GPHN: variants seen among roughly 807,000 people sequenced by gnomAD.
The protein encoded by GPHN is gephyrin.
A neutral mutation model predicts 95.5 loss-of-function variants in GPHN; 17 were observed. The observed-to-expected ratio is 0.18, with a 90% confidence interval of 0.12 to 0.27. The LOEUF is 0.27. Among genes scored for constraint, GPHN ranks in the 10% least tolerant of loss-of-function variants. The probability of loss-of-function intolerance (pLI) is 1.00; values close to 1 mark genes in which losing one functional copy is unlikely to be tolerated. For missense variants in GPHN, 660 were observed against 978.1 expected (o/e 0.67, Z 4.34); for synonymous variants, 320 against 322.5 (o/e 0.99, Z 0.08).
intron 4 of GPHN, among the ~76,000 whole-genome samples, chr14:66,871,923 C>T (rs1158517957): frequency 2.0e-5 from 3 of 151,736 alleles, no homozygotes; most frequent in Admixed American, 2.0e-4. Flanking sequence ...ACATGTATAC[C>T]GGAGCTTAAA....
chr14:66,560,668 G>A (rs1473896698), intron 1 of GPHN, among the ~76,000 whole-genome samples: 2 of 152,186 alleles, frequency 1.3e-5, no homozygotes, highest in South Asian at 2.1e-4. Context: ...TTCTAGATAT[G>A]CGATCATGTC....
chr14:67,455,914 C>A, the GPHN span, among the ~76,000 whole-genome samples: 1 of 152,068 alleles, frequency 6.6e-6, no homozygotes, highest in Non-Finnish European at 1.5e-5. Context: ...TGGACATAGG[C>A]CCTGGCAAAG....
intron 1 of GPHN, among the ~76,000 whole-genome samples, chr14:66,556,508 T>C (rs1379750384): frequency 1.3e-5 from 2 of 152,154 alleles, no homozygotes; most frequent in African/African-American, 4.8e-5. Flanking sequence ...ACTAAGGGTA[T>C]GGAAATAGAA....
chr14:66,546,100 G>A (rs1193653941), intron 1 of GPHN, among the ~76,000 whole-genome samples: 7 of 150,256 alleles, frequency 4.7e-5, no homozygotes, highest in African/African-American at 1.7e-4. Context: ...ACGGGGCGGC[G>A]GGGCAGAGGC....
chr14:67,079,310 G>A (rs1392995541), intron 11 of GPHN, among the ~76,000 whole-genome samples: 1 of 151,870 alleles, frequency 6.6e-6, no homozygotes, highest in Non-Finnish European at 1.5e-5. Context: ...ACAATTCAAA[G>A]TATTCAGTGT....
the GPHN span, among the ~76,000 whole-genome samples, chr14:67,274,347 C>T: frequency 6.6e-6 from 1 of 152,194 alleles, no homozygotes; most frequent in African/African-American, 2.4e-5. Context: ...ATATGCCTAG[C>T]CAGTTTTCCC....
At chr14:66,976,046 TTTA>T (rs1313709707) in intron 9 of GPHN, among the ~76,000 whole-genome samples, 1 of 152,228 alleles carries the variant, frequency 6.6e-6, no homozygotes, top group East Asian at 1.9e-4. Flanking sequence ...TCTCTGATAT[TTTA>T]TTAATCTCCA....
the GPHN span, chr14:67,592,748 C>CT: frequency 3.1e-5 from 38 of 1,235,910 alleles, 1 homozygote; most frequent in East Asian, 3.0e-4. Flanking sequence ...ATAGCAAAGT[C>CT]TAAGTGAAAC....
the GPHN span, among the ~76,000 whole-genome samples, chr14:67,687,826 T>C: frequency 1.3e-5 from 2 of 148,670 alleles, no homozygotes; most frequent in African/African-American, 5.0e-5. Flanking sequence ...CAGGCTGGAG[T>C]GCAATGGCAT....
At chr14:67,112,817 G>C (rs570435962) in intron 15 of GPHN, among the ~76,000 whole-genome samples, 13 of 152,182 alleles carry the variant, frequency 8.5e-5, no homozygotes, top group African/African-American at 2.6e-4. Flanking sequence ...TCCTATTTCT[G>C]TTTTCTGTTG....
chr14:67,144,250 A>AATAT (rs71129810), intron 18 of GPHN, among the ~76,000 whole-genome samples: 846 of 57,644 alleles, frequency 0.015, 21 homozygotes, highest in East Asian at 0.019. Flanking sequence ...AAAAAAAAAA[A>AATAT]ATATATATAT....
At chr14:67,174,167 C>A (rs1033145971) in intron 21 of GPHN, among the ~76,000 whole-genome samples, 1 of 152,202 alleles carries the variant, frequency 6.6e-6, no homozygotes, top group African/African-American at 2.4e-5. Context: ...TGGTTTCCTG[C>A]ACCCATCAAC....
At chr14:67,659,816 T>G in the GPHN span, 2 of 1,614,028 alleles carry the variant, frequency 1.2e-6, no homozygotes, top group Non-Finnish European at 1.7e-6. Flanking sequence ...GCTTCTCACC[T>G]CCCGATGGAG....
chr14:67,108,233 G>C (rs944991250), intron 13 of GPHN, among the ~76,000 whole-genome samples: 3 of 152,158 alleles, frequency 2.0e-5, no homozygotes, highest in Non-Finnish European at 4.4e-5. Context: ...AGCAGCTCTT[G>C]CTCTCAGTAG....
the GPHN span, among the ~76,000 whole-genome samples, chr14:67,431,622 G>T: frequency 6.6e-6 from 1 of 152,044 alleles, no homozygotes; most frequent in Admixed American, 6.6e-5. Context: ...AGCCCAGGAG[G>T]TCCAGGCTGC....
chr14:67,369,813 TAAAAG>T, the GPHN span, among the ~76,000 whole-genome samples: 9 of 152,052 alleles, frequency 5.9e-5, no homozygotes, highest in Admixed American at 3.3e-4. Flanking sequence ...TTTTAGAAGA[TAAAAG>T]AAAGGAAAGG....
the GPHN span, among the ~76,000 whole-genome samples, chr14:67,516,030 T>C: frequency 1.3e-5 from 2 of 152,214 alleles, no homozygotes. Flanking sequence ...GATTCTTTTA[T>C]TGGGAGGTGG....
the GPHN span, chr14:67,615,737 C>CA: frequency 4.2e-6 from 2 of 479,452 alleles, no homozygotes; most frequent in East Asian, 4.4e-5. Context: ...AAAGGGGAGA[C>CA]AAAAAAAGTT....
At chr14:66,544,467 A>G (rs1012528069) in intron 1 of GPHN, among the ~76,000 whole-genome samples, 2 of 152,162 alleles carry the variant, frequency 1.3e-5, no homozygotes, top group African/African-American at 4.8e-5. Context: ...ATTTTCATCT[A>G]TTAGGTTTGT....
Sources: allele counts gnomAD v4.1 joint callset (sites outside exome capture counted in the v4.1 genomes callset), GRCh38; gene constraint gnomAD v4.1.1; transcripts MANE v1.5; gene names NCBI Gene and HGNC (gene_info 2026-07-23, HGNC 2026-07-21).